The following TNPO3 variants were observed in gnomAD, a reference collection of about 807,000 sequenced individuals.
The protein encoded by TNPO3 is transportin-3.
In TNPO3, 65 loss-of-function variants were observed where a neutral mutation model predicts 122.8. That is an observed-to-expected ratio of 0.53 (90% CI 0.43 to 0.65). The LOEUF is 0.65. TNPO3 is among the 30% of genes least tolerant of loss of function. The pLI is 0.00. For synonymous variants in TNPO3, 372 were observed against 411.2 expected (o/e 0.90, Z 1.15); for missense variants, 850 against 1,136.7 (o/e 0.75, Z 3.63).
chr7:129,005,331 G>C (rs998987292), intron 4 of TNPO3, among the ~76,000 whole-genome samples, 172 bp from the exon 5 acceptor site: 3 of 151,896 alleles, frequency 2.0e-5, no homozygotes, highest in Non-Finnish European at 4.4e-5. Flanking sequence ...TTAAGAGAGA[G>C]GGTCTTGCTA....
intron 22 of TNPO3, 114 bp downstream of exon 22, chr7:128,957,110 C>T: frequency 1.1e-6 from 1 of 908,826 alleles, no homozygotes; most frequent in Non-Finnish European, 1.7e-6. Context: ...TGAGTCCTTC[C>T]CTGACTCTAG....
chr7:128,965,016 A>C (rs1357219746), intron 21 of TNPO3, among the ~76,000 whole-genome samples: 2 of 152,224 alleles, frequency 1.3e-5, no homozygotes, highest in African/African-American at 4.8e-5. Flanking sequence ...GGAAAACTTC[A>C]TGACATGAAA....
Position 128,970,423 on chromosome 7 carries a change from T to C in TNPO3, c.2431-108A>G. The C allele has an allele frequency of 5.8e-6, 6 of 1,038,822 alleles. No individual in the cohort carries two copies. The South Asian group carries it at 9.4e-5, about 16-fold the overall frequency. 64.4% of individuals were successfully genotyped at this position (1,038,822 alleles called of 1,614,324 possible). A position where few individuals can be genotyped will look rare whatever the true frequency, so the allele number is the denominator to read the frequency against. On this transcript the variant is annotated intron_variant, in intron 19 of 22. Transcript: ENST00000265388. ...TCTCTTTAATAGGAAAGTGTGTGTG[T>C]GTGTGCACGCGTGGCTGTGTGTGTG...
intron 15 of TNPO3, among the ~76,000 whole-genome samples, chr7:128,979,338 A>G (rs185896022): frequency 8.5e-5 from 13 of 152,368 alleles, no homozygotes; most frequent in Middle Eastern, 3.4e-3. Flanking sequence ...TAGAACTGGA[A>G]GAGCATGTCT....
intron 8 of TNPO3, 85 bp downstream of exon 8, chr7:128,997,304 A>T: frequency 6.7e-7 from 1 of 1,502,156 alleles, no homozygotes; most frequent in Non-Finnish European, 9.1e-7. Flanking sequence ...AGCCAGGTTT[A>T]TTATCTATCT....
intron 20 of TNPO3, among the ~76,000 whole-genome samples, chr7:128,968,752 TCAG>T (rs1798164965): frequency 6.6e-6 from 1 of 152,166 alleles, no homozygotes; most frequent in Admixed American, 6.6e-5. Context: ...GCTATGCAGC[TCAG>T]ACTGGAGTGC....
Position 129,014,988 on chromosome 7 carries a change from T to C in TNPO3, c.543A>G (p.Val181=), listed in dbSNP as rs781159531. The C allele has an allele frequency of 8.1e-6, 13 of 1,595,120 alleles. No homozygotes were observed. Among genetic ancestry groups the C allele is most frequent in the Admixed American group, 3.8e-5 (2 of 52,572 alleles). The change falls in exon 4 of 23, where the codon GTA becomes GTG. Residue 181 remains valine (V), a synonymous_variant. Coordinates refer to ENST00000265388, the MANE Select transcript of TNPO3 (RefSeq NM_012470.4). The part of the protein sequence containing the change: ...EDLAFYSSTV[V]SLLMTCVEKA... ...TTTCAAACTTACTCACCAATAGAGA[T>C]ACTACTGTACTAGAGTAGAAGGCCA...
At chr7:129,012,511 C>T (rs1803334139) in intron 4 of TNPO3, among the ~76,000 whole-genome samples, 2 of 152,180 alleles carry the variant, frequency 1.3e-5, no homozygotes, top group African/African-American at 4.8e-5. Flanking sequence ...AAAGGGAATG[C>T]TCACTGGAGC....
At position 129,054,865 on chromosome 7, in the gene TNPO3, C is replaced by A; in HGVS notation, c.-95G>T. 1.3e-6 allele frequency: 2 copies of A among 1,546,208 alleles called. No homozygotes were observed. The highest frequency in any genetic ancestry group is 8.8e-7 in the Non-Finnish European group (1 of 1,133,296). ...TCGCGCTTCCTCACTGTCTGGGCCA[C>A]GGCCGCTCCCTGACTGGCGCCATCT... On this transcript the variant is annotated 5_prime_UTR_variant, in exon 1 of 23. Transcript: ENST00000265388.
intron 19 of TNPO3, 89 bp from the exon 20 acceptor site, chr7:128,970,404 T>G: frequency 7.5e-7 from 1 of 1,336,318 alleles, no homozygotes; most frequent in Non-Finnish European, 1.0e-6. Context: ...AATTTCTCTT[T>G]AATAGGAAAG....
At chr7:128,967,478 A>G (rs1798035476) in intron 20 of TNPO3, 86 bp from the exon 21 acceptor site, 4 of 852,792 alleles carry the variant, frequency 4.7e-6, no homozygotes, top group Non-Finnish European at 7.7e-6. Context: ...AACCCCACAA[A>G]TTTTCCTTAG....
rs1261663454 is a variant in TNPO3, at chr7:129,002,366, C to G, written c.697-1132G>C. On this transcript the variant is annotated intron_variant, in intron 5 of 22. Transcript: ENST00000265388. Reference sequence around the variant, plus strand: ...GATCTAAAGAACAACTGATGCAAATCAGAGCAGACCAAAAGGTCCAAGAAG... The same window carrying G: ...GATCTAAAGAACAACTGATGCAAATGAGAGCAGACCAAAAGGTCCAAGAAG... 7.2e-5 allele frequency among the ~76,000 whole-genome samples: 11 copies of G among 152,160 alleles called. No individual in the cohort carries two copies. The East Asian group carries it at 2.1e-3, about 29-fold the overall frequency.
chr7:129,004,317 CAA>C (rs1802339230), intron 5 of TNPO3, among the ~76,000 whole-genome samples: 1 of 152,116 alleles, frequency 6.6e-6, no homozygotes. Context: ...CAGAAAGAGA[CAA>C]AGTTTTTCAT....
intron 21 of TNPO3, among the ~76,000 whole-genome samples, chr7:128,966,717 T>C (rs2128987690): frequency 6.6e-6 from 1 of 152,128 alleles, no homozygotes; most frequent in Middle Eastern, 3.4e-3. Context: ...ATGTTCACAG[T>C]AAAAAAAACA....
chr7:128,984,363 C>T, intron 12 of TNPO3, 104 bp from the exon 13 acceptor site: 1 of 639,490 alleles, frequency 1.6e-6, no homozygotes, highest in Non-Finnish European at 2.7e-6. Flanking sequence ...TGGTTTGGTT[C>T]CATTCTTTTA....
chr7:129,054,617 G>A (rs757391477), intron 1 of TNPO3, 34 bp downstream of exon 1: 2 of 1,611,000 alleles, frequency 1.2e-6, no homozygotes, highest in Non-Finnish European at 1.7e-6. Context: ...CGCCCCGGCC[G>A]TGCGGCACAG....
At chr7:128,956,583 ATTT>A (rs1796920987) in intron 22 of TNPO3, among the ~76,000 whole-genome samples, 1 of 152,198 alleles carries the variant, frequency 6.6e-6, no homozygotes, top group Non-Finnish European at 1.5e-5. Flanking sequence ...AGCATTTTGG[ATTT>A]TGGATTTTTG....
rs1442105673 is a variant in TNPO3 at position 129,007,763 on chromosome 7, A to G, written c.553-2604T>C. Among the ~76,000 whole-genome samples the G allele has an allele frequency of 2.6e-5, 4 of 152,252 alleles. No individual in the cohort carries two copies. The East Asian group carries it at 5.8e-4, about 22-fold the overall frequency. On this transcript the variant is annotated intron_variant, in intron 4 of 22. Transcript: ENST00000265388. Reference sequence around the variant, plus strand: ...TAACCACGTAACTATGAGTATACACATAAGTTTATGTCTAGGATATAGACT... The same window carrying G: ...TAACCACGTAACTATGAGTATACACGTAAGTTTATGTCTAGGATATAGACT...
chr7:129,007,869 G>A (rs936660111), intron 4 of TNPO3, among the ~76,000 whole-genome samples: 2 of 152,088 alleles, frequency 1.3e-5, no homozygotes, highest in Non-Finnish European at 2.9e-5. Flanking sequence ...GAATGGCAGG[G>A]GCCGGGTGTG....
Sources: gnomAD v4.1 joint callset for allele counts (sites outside exome capture counted in the v4.1 genomes callset) on GRCh38, gnomAD v4.1.1 for gene constraint, MANE v1.5 for transcripts, NCBI Gene and HGNC (gene_info 2026-07-23, HGNC 2026-07-21) for gene names.